RTL9: variants seen among roughly 807,000 people sequenced by gnomAD.
RTL9 encodes retrotransposon Gag-like protein 9.
Under a neutral mutation model 44.7 loss-of-function variants are expected in RTL9, and 19 were observed. The observed-to-expected ratio is 0.42, with a 90% CI of 0.30 to 0.62. RTL9 has a LOEUF of 0.62. RTL9 is among the 20% of genes least tolerant of loss of function. The pLI is 0.16. For synonymous variants in RTL9, 407 were observed against 398.9 expected, an observed-to-expected ratio of 1.02 and a Z score of -0.24; for missense variants, 1,105 against 1,080.6, an observed-to-expected ratio of 1.02 and a Z score of -0.32.
intron 1 of RTL9, among the ~76,000 whole-genome samples, chrX:110,359,577 T>C (rs2068249367): frequency 1.8e-5 from 2 of 111,774 alleles, no homozygotes; most frequent in South Asian, 7.5e-4. Context: ...TGATTCTGAA[T>C]CTAATGTTCT....
At chrX:110,428,758 T>TC in intron 1 of RTL9, among the ~76,000 whole-genome samples, 1 of 109,805 alleles carries the variant, frequency 9.1e-6, no homozygotes, top group East Asian at 2.9e-4. Context: ...CAACCATACC[T>TC]CCCCCCATTC....
chrX:110,370,474 G>T (rs1459930354), intron 1 of RTL9, among the ~76,000 whole-genome samples: 1 of 112,363 alleles, frequency 8.9e-6, no homozygotes, highest in Non-Finnish European at 1.9e-5. Context: ...CTCCCAAAGT[G>T]CTGGGATTAC....
chrX:110,409,988 G>A (rs2068630421), intron 1 of RTL9, among the ~76,000 whole-genome samples: 1 of 112,017 alleles, frequency 8.9e-6, no homozygotes, highest in African/African-American at 3.3e-5. Context: ...AATCCTCAGA[G>A]TCTGATTCAG....
exon 1 of RTL9, chrX:110,454,475 G>A (rs2068968528): frequency 8.3e-7 from 1 of 1,210,384 alleles, no homozygotes; most frequent in Admixed American, 2.2e-5. Flanking sequence ...CCACCAAAAT[G>A]GGTCGGATCT....
chrX:110,363,774 C>G (rs1278036795), intron 1 of RTL9, among the ~76,000 whole-genome samples: 3 of 111,517 alleles, frequency 2.7e-5, no homozygotes, highest in African/African-American at 9.8e-5. Flanking sequence ...TATCTCTTCA[C>G]TCACCAGTAA....
At chrX:110,362,883 A>G (rs1310906297) in intron 1 of RTL9, among the ~76,000 whole-genome samples, 3 of 111,995 alleles carry the variant, frequency 2.7e-5, no homozygotes, top group Non-Finnish European at 5.6e-5. Context: ...ATATTAATTC[A>G]TTTAATTCTT....
intron 1 of RTL9, among the ~76,000 whole-genome samples, chrX:110,369,161 T>C (rs1051285711): frequency 9.0e-6 from 1 of 110,797 alleles, no homozygotes; most frequent in African/African-American, 3.3e-5. Context: ...TGAAACCCCG[T>C]CTCTACTAAA....
chrX:110,407,736 C>T (rs1226536484), intron 1 of RTL9, among the ~76,000 whole-genome samples: 1 of 112,261 alleles, frequency 8.9e-6, no homozygotes, highest in East Asian at 2.8e-4. Context: ...CTGTGTGAGG[C>T]TGACAAGAAA....
chrX:110,400,031 G>A (rs1221385834), intron 1 of RTL9, among the ~76,000 whole-genome samples: 5 of 110,276 alleles, frequency 4.5e-5, no homozygotes, highest in Admixed American at 3.9e-4. Context: ...ATTGATTAGG[G>A]ACATGTTATG....
At chrX:110,444,275 G>A (rs935726728) in intron 1 of RTL9, among the ~76,000 whole-genome samples, 7 of 112,696 alleles carry the variant, frequency 6.2e-5, no homozygotes, top group Non-Finnish European at 1.1e-4. Context: ...CATTCCTGTG[G>A]ATACTTTATC....
upstream of RTL9, among the ~76,000 whole-genome samples, chrX:110,446,303 T>C (rs2068907694): frequency 9.0e-6 from 1 of 110,729 alleles, no homozygotes; most frequent in African/African-American, 3.3e-5. Context: ...TTACTAAACA[T>C]AAATAAAAGT....
At chrX:110,401,605 G>A (rs1461426963) in intron 1 of RTL9, among the ~76,000 whole-genome samples, 7 of 111,428 alleles carry the variant, frequency 6.3e-5, no homozygotes, top group Non-Finnish European at 1.3e-4. Context: ...GTTGTCTGGG[G>A]GCCTCTATCA....
upstream of RTL9, among the ~76,000 whole-genome samples, chrX:110,447,257 T>C (rs1282254913): frequency 1.9e-5 from 2 of 107,892 alleles, no homozygotes; most frequent in Non-Finnish European, 3.8e-5. Flanking sequence ...GAGGCTCAGT[T>C]TCCTTACCTG....
intron 1 of RTL9, among the ~76,000 whole-genome samples, chrX:110,424,657 T>C (rs2068741413): frequency 8.9e-6 from 1 of 112,108 alleles, no homozygotes; most frequent in African/African-American, 3.3e-5. Flanking sequence ...ACGAATACAC[T>C]TGAATTTATT....
intron 1 of RTL9, among the ~76,000 whole-genome samples, chrX:110,401,240 G>A (rs1208193233): frequency 1.8e-5 from 2 of 111,382 alleles, no homozygotes; most frequent in African/African-American, 3.3e-5. Context: ...TCGCTTGTGT[G>A]TATGGTGAGC....
upstream of RTL9, among the ~76,000 whole-genome samples, chrX:110,449,969 G>T (rs1204704310): frequency 8.9e-6 from 1 of 112,080 alleles, no homozygotes; most frequent in African/African-American, 3.2e-5. Context: ...TGGGGTGGTG[G>T]TTGCTGTTAT....
chrX:110,396,954 G>C (rs964243566), intron 1 of RTL9, among the ~76,000 whole-genome samples: 2 of 111,618 alleles, frequency 1.8e-5, no homozygotes, highest in African/African-American at 6.5e-5. Flanking sequence ...CTACAGGCAG[G>C]CTGGCCACAC....
At chrX:110,408,252 G>T (rs1218493000) in intron 1 of RTL9, among the ~76,000 whole-genome samples, 1 of 112,168 alleles carries the variant, frequency 8.9e-6, no homozygotes, top group East Asian at 2.8e-4. Context: ...AAGGAGTTGG[G>T]AGCCTGGGAA....
chrX:110,389,444 C>A (rs2068479829), intron 1 of RTL9, among the ~76,000 whole-genome samples: 1 of 112,128 alleles, frequency 8.9e-6, no homozygotes, highest in Non-Finnish European at 1.9e-5. Context: ...CCACTTAGGT[C>A]TGCCACAAGT....
Sources: gnomAD v4.1 joint callset for allele counts (sites outside exome capture counted in the v4.1 genomes callset) on GRCh38, gnomAD v4.1.1 for gene constraint, MANE v1.5 for transcripts, NCBI Gene and HGNC (gene_info 2026-07-23, HGNC 2026-07-21) for gene names.